Variants in TAB3 observed in about 807,000 individuals in gnomAD.
TAB3 encodes TGF-beta activated kinase 1 (MAP3K7) binding protein 3, also known as TGF-beta-activated kinase 1 and MAP3K7-binding protein 3.
A neutral mutation model predicts 48.1 loss-of-function variants in TAB3; 18 were observed. That is an observed-to-expected ratio of 0.37 (90% CI 0.26 to 0.55). The LOEUF is 0.55. Ranked by LOEUF, TAB3 falls within the 20% of genes least tolerant of loss-of-function variation. TAB3 has a pLI of 0.78. For missense variants in TAB3, 414 were observed against 549.8 expected, an observed-to-expected ratio of 0.75 and a Z score of 2.47; for synonymous variants, 185 against 190.2, an observed-to-expected ratio of 0.97 and a Z score of 0.22.
At chrX:30,869,795 G>T (rs189937893) in intron 2 of TAB3, among the ~76,000 whole-genome samples, 1 of 112,372 alleles carries the variant, frequency 8.9e-6, no homozygotes, top group East Asian at 2.8e-4. Flanking sequence ...TTTTCAAATG[G>T]TGGGTTTTGA....
At chrX:30,873,912 G>C (rs768343225) in intron 1 of TAB3, among the ~76,000 whole-genome samples, 5 of 111,502 alleles carry the variant, frequency 4.5e-5, no homozygotes, top group African/African-American at 1.3e-4. Flanking sequence ...AGTAGCTCAC[G>C]CCTGTAATCC....
chrX:30,856,123 C>G (rs1019699326), intron 5 of TAB3, among the ~76,000 whole-genome samples: 1 of 111,671 alleles, frequency 9.0e-6, no homozygotes, highest in Non-Finnish European at 1.9e-5. Context: ...CTAAATTTAT[C>G]CTTGAATAAC....
At chrX:30,854,029 T>C (rs1938962836) in intron 6 of TAB3, 87 bp downstream of exon 6, 1 of 995,625 alleles carries the variant, frequency 1.0e-6, no homozygotes, top group African/African-American at 1.9e-5. Flanking sequence ...ACTAAACATT[T>C]AATTAAAACT....
rs1206515763 is a variant in TAB3 at position 30,845,844 on chromosome X, A to G, written c.1804+707T>C. The G allele has an allele frequency of 6.9e-6, 3 of 434,461 alleles. No homozygotes were observed. The African/African-American group carries it at 8.1e-5, about 12-fold the overall frequency. The allele number at this position is 434,461 out of a possible 1,213,427, so 35.8% of individuals were successfully genotyped here. ...TTATGAAACATTAAATTGCAGAAAT[A>G]CAATAACTGGCATAAACAGGTTTGG... is the stretch of plus-strand genomic sequence containing the variant. On this transcript the variant is annotated intron_variant, in intron 8 of 10. Transcript: ENST00000288422.
chrX:30,883,246 G>C (rs1940043134), intron 1 of TAB3, among the ~76,000 whole-genome samples: 1 of 112,092 alleles, frequency 8.9e-6, no homozygotes, highest in Admixed American at 9.4e-5. Flanking sequence ...GATGTGGGCA[G>C]TGGACAGCCA....
Position 30,868,609 on chromosome X carries a change from A to G in TAB3, c.-279-1060T>C, listed in dbSNP as rs1450631971. ...TATAGAGAGAGAGAGAGAGAGAGAG[A>G]GAGAGAGAGCGCGTGGGGGGGAGAG... On this transcript the variant is annotated intron_variant, in intron 2 of 10. Transcript: ENST00000288422. Among the ~76,000 whole-genome samples, 3 of 74,017 alleles carry G rather than the reference A, an allele frequency of 4.1e-5. 1 individual carries two copies. Among genetic ancestry groups the G allele is most frequent in the African/African-American group, 1.6e-4 (3 of 19,218 alleles). The allele number at this position is 74,017 out of a possible 115,157, so 64.3% of individuals were successfully genotyped here. A position where few individuals can be genotyped will look rare whatever the true frequency, so the allele number is the denominator to read the frequency against.
intron 8 of TAB3, 89 bp from the exon 9 acceptor site, chrX:30,843,138 C>T: frequency 4.1e-6 from 2 of 491,367 alleles, no homozygotes; most frequent in Non-Finnish European, 3.3e-6. Context: ...AAATAAAACA[C>T]ATAAGAAGGG....
Position 30,854,799 on chromosome X carries a change from T to C in TAB3, c.866A>G (p.Gln289Arg). 1 of 1,210,894 alleles carries C rather than the reference T, an allele frequency of 8.3e-7. No homozygotes were observed. Among genetic ancestry groups the C allele is most frequent in the Non-Finnish European group, 1.1e-6 (1 of 895,027 alleles). ...QYSPKQQQIPQSAYHSPPPSQ... is the reference protein window; with the variant it reads ...QYSPKQQQIPRSAYHSPPPSQ... ...AGGAGGTGGTGAATGGTAAGCAGAC[T>C]GAGGGATCTGCTGCTGTTTGGGAGA... Residue 289 changes from glutamine to arginine, a missense_variant, in exon 6 of 11, where the codon CAG becomes CGG. By Grantham distance (43) the Gln-to-Arg change is conservative. Transcript: ENST00000288422.
intron 5 of TAB3, among the ~76,000 whole-genome samples, chrX:30,859,216 CG>C (rs1354844356): frequency 9.0e-6 from 1 of 111,052 alleles, no homozygotes; most frequent in South Asian, 3.8e-4. Context: ...GTCACAACTG[CG>C]GGGATGCTAT....
Position 30,855,097 on chromosome X carries a change from A to G in TAB3, c.568T>C (p.Tyr190His). The G allele has an allele frequency of 8.3e-7, 1 of 1,211,677 alleles. No individual in the cohort carries two copies. The change falls in exon 6 of 11, where the codon TAT becomes CAT. Residue 190 changes from tyrosine to histidine, a missense_variant. Coordinates refer to ENST00000288422, the MANE Select transcript of TAB3 (RefSeq NM_152787.5). ...PPPSYMHIPR[Y>H]STNPITVTVS... Reference sequence around the variant, plus strand: ...GTAACAGTAATTGGATTTGTACTATACCGAGGTATGTGCATGTATGAAGGA... The same window carrying G: ...GTAACAGTAATTGGATTTGTACTATGCCGAGGTATGTGCATGTATGAAGGA...
chrX:30,840,458 C>T (rs1359126874), intron 9 of TAB3, among the ~76,000 whole-genome samples: 1 of 111,444 alleles, frequency 9.0e-6, no homozygotes, highest in East Asian at 2.8e-4. Context: ...TCCTGAGTAA[C>T]GGCAGTGTCT....
intron 2 of TAB3, among the ~76,000 whole-genome samples, chrX:30,868,610 GAGAGAGAGCGCGTGGGGGGGAGAGAC>G: frequency 1.4e-5 from 1 of 73,991 alleles, no homozygotes; most frequent in Middle Eastern, 6.3e-3. Flanking sequence ...GAGAGAGAGA[GAGAGAGAGCGCGTGGGGGGGAGAGAC>G]AGAGAGAGAG....
Position 30,854,457 on chromosome X carries a change from G to C in TAB3, c.1208C>G (p.Thr403Ser). Residue 403 changes from threonine to serine, a missense_variant, in exon 6 of 11, where the codon ACC becomes AGC. By Grantham distance (58) the Thr-to-Ser change is moderately conservative. Coordinates refer to ENST00000288422, the MANE Select transcript of TAB3 (RefSeq NM_152787.5). ...TGAAGGAGAACTTGAAGGTGGCGTG[G>C]TGGCTGTGTACAGTGAGTGTTGATT... ...PRNQHSLYTA[T>S]TPPSSSPSRG... 1 of 1,211,746 alleles carries C rather than the reference G, an allele frequency of 8.3e-7. No individual in the cohort carries two copies. Among genetic ancestry groups the C allele is most frequent in the Non-Finnish European group, 1.1e-6 (1 of 895,438 alleles).
intron 7 of TAB3, among the ~76,000 whole-genome samples, chrX:30,851,958 A>G (rs1156585283): frequency 8.9e-6 from 1 of 112,331 alleles, no homozygotes; most frequent in African/African-American, 3.2e-5. Context: ...GTGAACATAT[A>G]CAGCACTTAC....
chrX:30,868,754 T>G (rs1157656456), intron 2 of TAB3, among the ~76,000 whole-genome samples: 1 of 104,395 alleles, frequency 9.6e-6, no homozygotes, highest in Non-Finnish European at 1.9e-5. Context: ...AATATTATCA[T>G]TTTAGGGCAT....
Position 30,855,301 on chromosome X carries a change from G to T in TAB3, c.364C>A (p.Gln122Lys). 8.3e-7 allele frequency: 1 copy of T among 1,211,629 alleles called. No individual in the cohort carries two copies. Among genetic ancestry groups the T allele is most frequent in the Non-Finnish European group, 1.1e-6 (1 of 895,502 alleles). The change falls in exon 6 of 11, where the codon CAA becomes AAA. Residue 122 changes from glutamine (Q) to lysine (K), a missense_variant. Coordinates refer to ENST00000288422, the MANE Select transcript of TAB3 (RefSeq NM_152787.5). ...ACAGCTGGAGCTGAGTGTGGTTCTT[G>T]AACTAAACATATCAGCTGTTTACCT... ...AAGKQLICLV[Q>K]EPHSAPAVVA...
chrX:30,854,763 G>T lies in TAB3; in HGVS notation c.902C>A (p.Pro301His). The change falls in exon 6 of 11, where the codon CCT (proline) becomes CAT (histidine). Residue 301 changes from proline to histidine, a missense_variant. By Grantham distance (77) the Pro-to-His change is moderately conservative (BLOSUM62 -2). Coordinates refer to ENST00000288422, the MANE Select transcript of TAB3 (RefSeq NM_152787.5). ...AYHSPPPSQC[P>H]SPFSSPQHQV... ...ATGCTGTGGAGAGCTGAAGGGTGAAGGACATTGAGAAGGAGGTGGTGAATG... is the reference window on the plus strand; with the variant it reads ...ATGCTGTGGAGAGCTGAAGGGTGAATGACATTGAGAAGGAGGTGGTGAATG... 3.3e-6 allele frequency: 4 copies of T among 1,211,480 alleles called. No individual in the cohort carries two copies. The highest frequency in any genetic ancestry group is 4.5e-6 in the Non-Finnish European group (4 of 895,392).
chrX:30,868,517 TTATATATATATATATATAGCTTATATA>T (rs1569221775), intron 2 of TAB3, among the ~76,000 whole-genome samples: 44 of 2,809 alleles, frequency 0.016, 9 homozygotes, highest in African/African-American at 0.086. Flanking sequence ...TATATATAGC[TTATATATATATATATATAGCTTATATA>T]TATATATATA....
rs924113685 is a variant in TAB3, at chrX:30,839,228, A to G, written c.1888+3738T>C. On this transcript the variant is annotated intron_variant, in intron 9 of 10. Coordinates refer to ENST00000288422, the MANE Select transcript of TAB3 (RefSeq NM_152787.5). The stretch of plus-strand genomic sequence containing the variant: ...CAGGAATGGCTGTTGAATTTTGTCA[A>G]ATGTTTTTCCTGTATCTGGTGAAAC... Among the ~76,000 whole-genome samples, 3 of 111,760 alleles carry G rather than the reference A, an allele frequency of 2.7e-5. No individual in the cohort carries two copies. The Admixed American group carries it at 2.9e-4, about 11-fold the overall frequency.
Sources: gnomAD v4.1 joint callset for allele counts (sites outside exome capture counted in the v4.1 genomes callset) on GRCh38, gnomAD v4.1.1 for gene constraint, MANE v1.5 for transcripts, NCBI Gene and HGNC (gene_info 2026-07-23, HGNC 2026-07-21) for gene names.